Variants in CHD6 observed in about 807,000 individuals in gnomAD.
CHD6 encodes ATP-dependent chromatin remodeler CHD6.
CHD6 carries 50 observed loss-of-function variants against 276.9 expected under a neutral mutation model. The observed-to-expected ratio is 0.18, with a 90% confidence interval of 0.14 to 0.23. The LOEUF (loss-of-function observed/expected upper bound fraction) is 0.23, where lower values mean the gene tolerates loss of function less well. CHD6 is among the 10% of genes least tolerant of loss of function. CHD6 has a pLI of 1.00. For missense variants in CHD6, 2,564 were observed against 3,365.8 expected (o/e 0.76, Z 5.89); for synonymous variants, 1,173 against 1,229.3 (o/e 0.95, Z 0.96).
At chr20:41,436,568 T>C (rs1175387702) in intron 27 of CHD6, among the ~76,000 whole-genome samples, 1 of 152,090 alleles carries the variant, frequency 6.6e-6, no homozygotes, top group Non-Finnish European at 1.5e-5. Context: ...TATATGCAAA[T>C]ATTTACAGAG....
At chr20:41,422,414 G>A (rs922935198) in intron 30 of CHD6, among the ~76,000 whole-genome samples, 4 of 152,098 alleles carry the variant, frequency 2.6e-5, no homozygotes, top group Non-Finnish European at 1.5e-5. Flanking sequence ...GAGGCTAGGA[G>A]GATCACTTGA....
At chr20:41,569,352 TA>T (rs1286352432) in intron 1 of CHD6, among the ~76,000 whole-genome samples, 3 of 152,244 alleles carry the variant, frequency 2.0e-5, no homozygotes, top group African/African-American at 7.2e-5. Context: ...TTAATTTGCC[TA>T]CAAATTGGTA....
chr20:41,439,965 A>G (rs1261692581), intron 26 of CHD6, 35 bp downstream of exon 26: 2 of 1,609,888 alleles, frequency 1.2e-6, no homozygotes, highest in Admixed American at 1.7e-5. Flanking sequence ...GTGGCATGGC[A>G]TGTCACATGA....
intron 2 of CHD6, among the ~76,000 whole-genome samples, chr20:41,544,666 G>A (rs1312104605): frequency 1.3e-5 from 2 of 149,742 alleles, no homozygotes; most frequent in South Asian, 4.2e-4. Context: ...ATATTTTAAT[G>A]TTAATATTTT....
intron 1 of CHD6, among the ~76,000 whole-genome samples, chr20:41,553,348 C>T (rs1194592367): frequency 6.6e-6 from 1 of 152,232 alleles, no homozygotes; most frequent in Non-Finnish European, 1.5e-5. Flanking sequence ...TTTCTTCAAG[C>T]CTCCTTGGTT....
At position 41,498,317 on chromosome 20, in the gene CHD6, T is replaced by C. The variant is rs2043737919; in HGVS notation, c.916-91A>G. ...AAAACAGGTAATCAATATCTCTGCC[T>C]GATTTCCATAAAGATTTCTTAAGGC... On this transcript the variant is annotated intron_variant, in intron 6 of 36. Coordinates refer to ENST00000373233, the MANE Select transcript of CHD6 (RefSeq NM_032221.5). 5.8e-6 allele frequency: 5 copies of C among 868,992 alleles called. No homozygotes were observed. In the South Asian group the frequency reaches 7.6e-5, roughly 13 times the overall value. The allele number at this position is 868,992 out of a possible 1,614,324, so 53.8% of individuals were successfully genotyped here.
intron 1 of CHD6, among the ~76,000 whole-genome samples, chr20:41,606,328 G>A (rs907080397): frequency 7.9e-5 from 12 of 152,168 alleles, no homozygotes; most frequent in Non-Finnish European, 1.0e-4. Context: ...TGGCTAACAC[G>A]GTGAAACCCC....
intron 3 of CHD6, among the ~76,000 whole-genome samples, chr20:41,524,156 A>T (rs1229281881): frequency 6.6e-6 from 1 of 152,218 alleles, no homozygotes; most frequent in African/African-American, 2.4e-5. Flanking sequence ...TCCCAGGAGT[A>T]CAATACTGAA....
chr20:41,577,211 G>T (rs756423254), intron 1 of CHD6, among the ~76,000 whole-genome samples: 1 of 152,178 alleles, frequency 6.6e-6, no homozygotes, highest in African/African-American at 2.4e-5. Flanking sequence ...ACTTGTGGCC[G>T]CTATTTATCA....
At chr20:41,474,880 G>A (rs1484788574) in intron 16 of CHD6, among the ~76,000 whole-genome samples, 1 of 152,146 alleles carries the variant, frequency 6.6e-6, no homozygotes, top group Non-Finnish European at 1.5e-5. Flanking sequence ...GTCTGAAAAT[G>A]CTGTCTCCCT....
At chr20:41,498,938 G>C (rs2043763545) in intron 6 of CHD6, among the ~76,000 whole-genome samples, 1 of 151,968 alleles carries the variant, frequency 6.6e-6, no homozygotes, top group Non-Finnish European at 1.5e-5. Context: ...GCCTCTCAAA[G>C]TGATGGGATT....
chr20:41,510,990 A>C (rs1366622534), intron 5 of CHD6, among the ~76,000 whole-genome samples: 1 of 152,190 alleles, frequency 6.6e-6, no homozygotes, highest in East Asian at 1.9e-4. Flanking sequence ...ACATGAAATC[A>C]ACTGTTATAT....
chr20:41,532,845 A>G (rs2044721903), intron 3 of CHD6, among the ~76,000 whole-genome samples: 1 of 152,264 alleles, frequency 6.6e-6, no homozygotes, highest in Non-Finnish European at 1.5e-5. Flanking sequence ...TTAGAAATGC[A>G]ATGAGAAAAC....
chr20:41,581,634 C>A (rs1232389175), intron 1 of CHD6, among the ~76,000 whole-genome samples: 1 of 151,354 alleles, frequency 6.6e-6, no homozygotes, highest in East Asian at 1.9e-4. Context: ...CGAGATCATG[C>A]CACTGTACTC....
intron 8 of CHD6, among the ~76,000 whole-genome samples, chr20:41,494,767 GCAGGATAC>G (rs2145879466): frequency 6.6e-6 from 1 of 152,236 alleles, no homozygotes; most frequent in Admixed American, 6.5e-5. Flanking sequence ...TCTAATCAAT[GCAGGATAC>G]TTTTTACAAC....
Position 41,402,465 on chromosome 20 carries a change from G to A in CHD6, c.*2128C>T, listed in dbSNP as rs917679727. 10 of 230,850 alleles carry A rather than the reference G, an allele frequency of 4.3e-5. No homozygotes were observed. Among genetic ancestry groups the A allele is most frequent in the South Asian group, 3.6e-4 (2 of 5,510 alleles). The allele number at this position is 230,850 out of a possible 1,614,324, so 14.3% of individuals were successfully genotyped here. ...TCCACATTGAACCCTGTGACCTACC[G>A]GAGGTTATAAGTGGAACCCGGGGAA... On this transcript the variant is annotated 3_prime_UTR_variant, in exon 37 of 37. Transcript: ENST00000373233.
chr20:41,434,261 C>T (rs1315363816), intron 27 of CHD6, among the ~76,000 whole-genome samples: 1 of 152,004 alleles, frequency 6.6e-6, no homozygotes, highest in Non-Finnish European at 1.5e-5. Context: ...GGGAAAGTAG[C>T]CATATTAATT....
At chr20:41,466,868 C>T (rs1346201670) in intron 17 of CHD6, among the ~76,000 whole-genome samples, 1 of 152,224 alleles carries the variant, frequency 6.6e-6, no homozygotes, top group Non-Finnish European at 1.5e-5. Context: ...CCAGGTAACA[C>T]AGTCCTAGAC....
At chr20:41,597,034 T>C (rs1043487751) in intron 1 of CHD6, among the ~76,000 whole-genome samples, 8 of 151,906 alleles carry the variant, frequency 5.3e-5, no homozygotes, top group Non-Finnish European at 1.0e-4. Flanking sequence ...CTAGGCCATA[T>C]AAAGGGTATG....
Sources: allele counts gnomAD v4.1 joint callset (sites outside exome capture counted in the v4.1 genomes callset), GRCh38; gene constraint gnomAD v4.1.1; transcripts MANE v1.5; gene names NCBI Gene and HGNC (gene_info 2026-07-23, HGNC 2026-07-21).